Variants in FUBP3 observed in about 807,000 individuals in gnomAD.
FUBP3 encodes far upstream element binding protein 3.
A neutral mutation model predicts 85.6 loss-of-function variants in FUBP3; 28 were observed. That is an observed-to-expected ratio of 0.33 (90% CI 0.24 to 0.45). The LOEUF (loss-of-function observed/expected upper bound fraction) is 0.45, where lower values mean the gene tolerates loss of function less well. Among genes scored for constraint, FUBP3 ranks in the 20% least tolerant of loss-of-function variants. The pLI is 1.00. For synonymous variants in FUBP3, 271 were observed against 271.4 expected, an observed-to-expected ratio of 1.00 and a Z score of 0.01; for missense variants, 583 against 755.1, an observed-to-expected ratio of 0.77 and a Z score of 2.67.
chr9:130,581,566 G>A (rs1467258662), intron 1 of FUBP3: 4 of 152,188 alleles, frequency 2.6e-5, no homozygotes, highest in Admixed American at 6.6e-5. Flanking sequence ...GGGCAAGAAC[G>A]GAATGTTAGA....
chr9:130,631,390 T>C (rs1459224938), intron 13 of FUBP3, 167 bp from the exon 14 acceptor site: 17 of 1,347,048 alleles, frequency 1.3e-5, no homozygotes, highest in Non-Finnish European at 3.0e-6. Context: ...AAGCCATTTC[T>C]GCAGCGCAGC....
intron 2 of FUBP3, among the ~76,000 whole-genome samples, chr9:130,598,995 T>C (rs959089573): frequency 2.6e-5 from 4 of 152,074 alleles, no homozygotes; most frequent in African/African-American, 9.7e-5. Flanking sequence ...AAACCGTATT[T>C]CCGAAAAATA....
chr9:130,585,053 G>C (rs760283564), intron 1 of FUBP3, among the ~76,000 whole-genome samples: 54 of 151,954 alleles, frequency 3.6e-4, no homozygotes, highest in Non-Finnish European at 6.9e-4. Flanking sequence ...CCAGCTACTC[G>C]AGAGGCTGAA....
intron 17 of FUBP3, among the ~76,000 whole-genome samples, chr9:130,634,972 T>C (rs1010698354): frequency 2.0e-5 from 3 of 152,118 alleles, no homozygotes; most frequent in African/African-American, 7.2e-5. Context: ...CCCCTCCTCT[T>C]TATTCTCCCC....
chr9:130,606,162 G>A (rs1455376713), intron 2 of FUBP3, among the ~76,000 whole-genome samples: 2 of 152,152 alleles, frequency 1.3e-5, no homozygotes, highest in African/African-American at 4.8e-5. Flanking sequence ...AACACAGGAA[G>A]CCTTTGTAGT....
chr9:130,585,573 A>G (rs1199209052), intron 1 of FUBP3, among the ~76,000 whole-genome samples: 1 of 152,208 alleles, frequency 6.6e-6, no homozygotes, highest in African/African-American at 2.4e-5. Flanking sequence ...TGGGGAATGC[A>G]GGATTAAATA....
intron 1 of FUBP3, among the ~76,000 whole-genome samples, chr9:130,579,972 C>T (rs1252768877): frequency 6.6e-6 from 1 of 152,214 alleles, no homozygotes; most frequent in African/African-American, 2.4e-5. Context: ...GGGCGGGTCT[C>T]CCAGGTGCCT....
In FUBP3 at chr9:130,622,779, T is replaced by A; in HGVS notation, c.843T>A (p.Asn281Lys). ...GGGAAATGATCAAAAAGATCCAGAA[T>A]GATGCTGGTGTGAGGATTCAGTTTA... ...RNGEMIKKIQ[N>K]DAGVRIQFKP... Residue 281 changes from asparagine to lysine, a missense_variant, in exon 10 of 19, where the codon AAT becomes AAA. Coordinates refer to ENST00000319725, the MANE Select transcript of FUBP3 (RefSeq NM_003934.2). 1.9e-6 allele frequency: 3 copies of A among 1,590,790 alleles called. No homozygotes were observed. Among genetic ancestry groups the A allele is most frequent in the South Asian group, 2.2e-5 (2 of 89,440 alleles).
Position 130,579,585 on chromosome 9 carries a change from G to A in FUBP3, c.-96G>A. 3.9e-6 allele frequency: 3 copies of A among 766,898 alleles called. No individual in the cohort carries two copies. Among genetic ancestry groups the A allele is most frequent in the Non-Finnish European group, 5.3e-6 (3 of 566,780 alleles). The allele number at this position is 766,898 out of a possible 1,614,324, so 47.5% of individuals were successfully genotyped here. A position where few individuals can be genotyped will look rare whatever the true frequency, so the allele number is the denominator to read the frequency against. On this transcript the variant is annotated 5_prime_UTR_variant, in exon 1 of 19. Transcript: ENST00000319725. ...GAAGTAGGGCGACTTTCCTTTTCCG[G>A]CTACGGGTCCCCAAGCGGAGCGGGA...
In FUBP3 at chr9:130,585,212, T is replaced by C. The variant is rs1016002130; in HGVS notation, c.84+5448T>C. On this transcript the variant is annotated intron_variant, in intron 1 of 18. Transcript: ENST00000319725. ...CCTAGAAAAGATCTGGCCACACTGC[T>C]CCCACAGCCTGCACAGCGATAATCA... Among the ~76,000 whole-genome samples the C allele has an allele frequency of 3.3e-5, 5 of 152,138 alleles. No individual in the cohort carries two copies. In the South Asian group the frequency reaches 1.0e-3, roughly 31 times the overall value.
At chr9:130,596,614 G>A (rs998541772) in intron 2 of FUBP3, 13 of 403,866 alleles carry the variant, frequency 3.2e-5, no homozygotes, top group East Asian at 2.7e-4. Context: ...CTCCCACCTC[G>A]GCTTCCCAAG....
rs1318176584 is a variant in FUBP3 at position 130,589,669 on chromosome 9, G to GTA, written c.85-5813_85-5812insAT. Reference sequence around the variant, plus strand: ...AGATTTATTTTAAATATGTATGTATGTGTGTGTATATATATATATATATAT... The same window carrying GTA: ...AGATTTATTTTAAATATGTATGTATGTATGTGTGTATATATATATATATATAT... On this transcript the variant is annotated intron_variant, in intron 1 of 18. Coordinates refer to ENST00000319725, the MANE Select transcript of FUBP3 (RefSeq NM_003934.2). Among the ~76,000 whole-genome samples, 5 of 33,708 alleles carry GTA rather than the reference G, an allele frequency of 1.5e-4. 1 individual carries two copies. Among genetic ancestry groups the GTA allele is most frequent in the East Asian group, 2.0e-3 (2 of 990 alleles). The allele number at this position is 33,708 out of a possible 152,430, so 22.1% of individuals were successfully genotyped here. A position where few individuals can be genotyped will look rare whatever the true frequency, so the allele number is the denominator to read the frequency against.
At chr9:130,593,884 ATAAG>A (rs370468739) in intron 1 of FUBP3, among the ~76,000 whole-genome samples, 68 of 152,336 alleles carry the variant, frequency 4.5e-4, no homozygotes, top group South Asian at 3.7e-3. Context: ...AACAAAGTAG[ATAAG>A]TAAGAAGTTC....
At chr9:130,621,847 G>C (rs1829761320) in intron 9 of FUBP3, among the ~76,000 whole-genome samples, 1 of 151,804 alleles carries the variant, frequency 6.6e-6, no homozygotes, top group African/African-American at 2.4e-5. Context: ...GGTGCTTGCA[G>C]TGAGCGTAGA....
chr9:130,589,675 G>GTGTGTGTATGTGTATGTATATA (rs869282275), intron 1 of FUBP3, among the ~76,000 whole-genome samples: 10 of 34,292 alleles, frequency 2.9e-4, no homozygotes, highest in South Asian at 1.1e-3. Context: ...GTATGTGTGT[G>GTGTGTGTATGTGTATGTATATA]TATATATATA....
At chr9:130,618,305 T>C (rs774635125) in intron 8 of FUBP3, among the ~76,000 whole-genome samples, 46 of 152,342 alleles carry the variant, frequency 3.0e-4, no homozygotes, top group Non-Finnish European at 5.4e-4. Context: ...TTTGATTTGC[T>C]GACCTGGGGT....
intron 2 of FUBP3, among the ~76,000 whole-genome samples, chr9:130,597,289 A>G (rs1830920737): frequency 6.6e-6 from 1 of 152,174 alleles, no homozygotes; most frequent in African/African-American, 2.4e-5. Flanking sequence ...TAACACCTCC[A>G]AAAAGTTCTA....
In FUBP3 at chr9:130,622,747, A is replaced by G; in HGVS notation, c.811A>G (p.Arg271Gly). The G allele has an allele frequency of 6.2e-7, 1 of 1,603,490 alleles. No individual in the cohort carries two copies. Among genetic ancestry groups the G allele is most frequent in the South Asian group, 1.1e-5 (1 of 90,110 alleles). The change falls in exon 10 of 19, where the codon AGA becomes GGA. Residue 271 changes from arginine (R) to glycine (G), a missense_variant. Around this residue, in one of 3 missense-constraint regions of FUBP3, gnomAD observed 404 missense variants for 516.8 expected, o/e 0.78. Coordinates refer to ENST00000319725, the MANE Select transcript of FUBP3 (RefSeq NM_003934.2). ...PRFAVGIVIG[R>G]NGEMIKKIQN... ...GTTTGCTGTGGGGATTGTAATAGGAAGAAACGGGGAAATGATCAAAAAGAT... is the reference window on the plus strand; with the variant it reads ...GTTTGCTGTGGGGATTGTAATAGGAGGAAACGGGGAAATGATCAAAAAGAT...
At chr9:130,608,280 C>A (rs1441897513) in intron 2 of FUBP3, among the ~76,000 whole-genome samples, 1 of 152,200 alleles carries the variant, frequency 6.6e-6, no homozygotes, top group Non-Finnish European at 1.5e-5. Context: ...CATTTCAAGA[C>A]ATTTTAGTTC....
Sources: gnomAD v4.1 joint callset for allele counts (sites outside exome capture counted in the v4.1 genomes callset) on GRCh38, gnomAD v4.1.1 for gene constraint, gnomAD v4.1.1 regional missense constraint, MANE v1.5 for transcripts, NCBI Gene and HGNC (gene_info 2026-07-23, HGNC 2026-07-21) for gene names.